Variants in KCNQ5 observed in about 807,000 individuals in gnomAD.
KCNQ5 encodes potassium voltage-gated channel subfamily Q member 5, also known as potassium voltage-gated channel subfamily KQT member 5.
In KCNQ5, 30 loss-of-function variants were observed where a neutral mutation model predicts 98.2. The ratio of observed to expected loss-of-function variants is 0.31; its 90% CI spans 0.23 to 0.41. KCNQ5 has a LOEUF of 0.41. Among genes scored for constraint, KCNQ5 ranks in the 10% least tolerant of loss-of-function variants. The probability of loss-of-function intolerance (pLI) is 1.00; values close to 1 mark genes in which losing one functional copy is unlikely to be tolerated. For synonymous variants in KCNQ5, 458 were observed against 449.4 expected (o/e 1.02, Z -0.24); for missense variants, 835 against 1,182.5 (o/e 0.71, Z 4.31).
intron 9 of KCNQ5, chr6:73,129,807 A>G: frequency 6.2e-7 from 1 of 1,612,994 alleles, no homozygotes; most frequent in Non-Finnish European, 8.5e-7. Context: ...TTCTGTAGTA[A>G]TAAGCAGAAG....
intron 7 of KCNQ5, among the ~76,000 whole-genome samples, chr6:73,114,922 C>T (rs759832599): frequency 1.5e-4 from 23 of 152,046 alleles, no homozygotes; most frequent in Non-Finnish European, 3.2e-4. Flanking sequence ...GACTTAGTCT[C>T]CACCCAATTA....
intron 1 of KCNQ5, among the ~76,000 whole-genome samples, chr6:72,922,781 G>A (rs955862885): frequency 3.5e-5 from 5 of 144,118 alleles, no homozygotes; most frequent in African/African-American, 1.3e-4. Context: ...GGGTATATAG[G>A]ACACCTTTCT....
chr6:73,059,368 T>C (rs1562153401), intron 3 of KCNQ5, among the ~76,000 whole-genome samples: 1 of 152,148 alleles, frequency 6.6e-6, no homozygotes, highest in Non-Finnish European at 1.5e-5. Context: ...CATTGAGTTA[T>C]ATGGTCACAA....
At chr6:72,765,673 C>G (rs1416178716) in intron 1 of KCNQ5, among the ~76,000 whole-genome samples, 1 of 152,024 alleles carries the variant, frequency 6.6e-6, no homozygotes, top group Non-Finnish European at 1.5e-5. Flanking sequence ...CAGGAGGCAG[C>G]TGATATCAAC....
intron 1 of KCNQ5, among the ~76,000 whole-genome samples, chr6:72,787,733 C>T (rs548929059): frequency 1.3e-5 from 2 of 152,224 alleles, no homozygotes; most frequent in African/African-American, 4.8e-5. Context: ...TGAGTCAGCA[C>T]TCATCCCTGT....
At chr6:73,038,001 T>C (rs1357966057) in intron 2 of KCNQ5, among the ~76,000 whole-genome samples, 1 of 152,138 alleles carries the variant, frequency 6.6e-6, no homozygotes, top group East Asian at 1.9e-4. Flanking sequence ...GTCTTCCAAT[T>C]CATAAACACG....
intron 1 of KCNQ5, among the ~76,000 whole-genome samples, chr6:72,881,784 T>G (rs1280520747): frequency 1.3e-5 from 2 of 152,176 alleles, no homozygotes; most frequent in Non-Finnish European, 2.9e-5. Flanking sequence ...CTCCACCTCC[T>G]GGGTTCAAGT....
At chr6:72,826,956 C>T (rs1318619345) in intron 1 of KCNQ5, among the ~76,000 whole-genome samples, 1 of 152,100 alleles carries the variant, frequency 6.6e-6, no homozygotes, top group East Asian at 1.9e-4. Context: ...AGCTTCTGCA[C>T]ATGGGTGAGA....
chr6:73,038,759 T>C (rs77964061), intron 2 of KCNQ5, among the ~76,000 whole-genome samples: 22 of 152,190 alleles, frequency 1.4e-4, no homozygotes, highest in Non-Finnish European at 1.5e-4. Context: ...TTGCTGAGGA[T>C]TTTTTGTGTC....
Position 73,194,710 on chromosome 6 carries a change from G to C in KCNQ5, c.2095G>C (p.Ala699Pro). The change falls in exon 14 of 14, where the codon GCC becomes CCC. Residue 699 changes from alanine to proline, a missense_variant. By Grantham distance (27) the Ala-to-Pro change is conservative. Around this residue, in one of 10 missense-constraint regions of KCNQ5, gnomAD observed 416 missense variants for 446.9 expected, o/e 0.93. Coordinates refer to ENST00000370398, the MANE Select transcript of KCNQ5 (RefSeq NM_019842.4). Reference protein sequence around the residue: ...QFILTPNEFSAQTFYALSPTM... With the variant: ...QFILTPNEFSPQTFYALSPTM... ...CATTCTGACGCCAAATGAGTTCAGT[G>C]CCCAGACTTTCTACGCGCTTAGCCC... The C allele has an allele frequency of 6.2e-7, 1 of 1,614,244 alleles. No individual in the cohort carries two copies. The highest frequency in any genetic ancestry group is 8.5e-7 in the Non-Finnish European group (1 of 1,180,048).
intron 1 of KCNQ5, among the ~76,000 whole-genome samples, chr6:72,721,156 G>T (rs1769935399): frequency 6.6e-6 from 1 of 152,028 alleles, no homozygotes; most frequent in South Asian, 2.1e-4. Context: ...CAACATGTAG[G>T]GTTACTGTGA....
intron 10 of KCNQ5, chr6:73,158,001 T>C: frequency 1.4e-6 from 1 of 738,466 alleles, no homozygotes. Context: ...GAAGATCAAG[T>C]AGGGTTCTCT....
Position 73,099,090 on chromosome 6 carries a change from A to G in KCNQ5, c.919-6167A>G, listed in dbSNP as rs1224868176. 2.0e-5 allele frequency among the ~76,000 whole-genome samples: 3 copies of G among 151,296 alleles called. No individual in the cohort carries two copies. The Admixed American group carries it at 2.0e-4, about 10-fold the overall frequency. ...GTTAAATTGTGATCAGTTTAAAATAATGGGTTATAAGATATTATTTGCAAG... is the reference window on the plus strand; with the variant it reads ...GTTAAATTGTGATCAGTTTAAAATAGTGGGTTATAAGATATTATTTGCAAG... On this transcript the variant is annotated intron_variant, in intron 5 of 13. Coordinates refer to ENST00000370398, the MANE Select transcript of KCNQ5 (RefSeq NM_019842.4).
intron 2 of KCNQ5, among the ~76,000 whole-genome samples, chr6:73,009,899 C>T (rs761624680): frequency 2.0e-5 from 3 of 152,058 alleles, no homozygotes; most frequent in Non-Finnish European, 4.4e-5. Context: ...TCAACAACAA[C>T]AAAGAAGCCC....
chr6:73,182,731 G>A (rs182171321), intron 11 of KCNQ5, among the ~76,000 whole-genome samples: 1 of 152,192 alleles, frequency 6.6e-6, no homozygotes, highest in African/African-American at 2.4e-5. Flanking sequence ...ACAAGATAAT[G>A]GCCTACTCTC....
intron 1 of KCNQ5, among the ~76,000 whole-genome samples, chr6:72,824,911 G>A (rs1053418431): frequency 6.6e-6 from 1 of 152,042 alleles, no homozygotes; most frequent in Middle Eastern, 3.2e-3. Context: ...TTTTCAGTGT[G>A]TAGCTTTCAT....
At chr6:72,678,326 A>G (rs1332415067) in intron 1 of KCNQ5, 1 of 152,182 alleles carries the variant, frequency 6.6e-6, no homozygotes, top group Non-Finnish European at 1.5e-5. Context: ...GAATTCTCAC[A>G]ACCCTACACC....
chr6:72,941,567 CTT>C (rs386702637), intron 1 of KCNQ5, among the ~76,000 whole-genome samples: 14 of 113,802 alleles, frequency 1.2e-4, no homozygotes, highest in East Asian at 5.3e-4. Context: ...TCCCTCCTTC[CTT>C]CCTCCTTCCC....
intron 1 of KCNQ5, among the ~76,000 whole-genome samples, chr6:72,690,486 G>A (rs1376413755): frequency 2.6e-5 from 4 of 152,128 alleles, no homozygotes; most frequent in Admixed American, 6.5e-5. Flanking sequence ...ATTTAGGGTT[G>A]TGGACAGAAG....
Sources: gnomAD v4.1 joint callset for allele counts (sites outside exome capture counted in the v4.1 genomes callset) on GRCh38, gnomAD v4.1.1 for gene constraint, gnomAD v4.1.1 regional missense constraint, MANE v1.5 for transcripts, NCBI Gene and HGNC (gene_info 2026-07-23, HGNC 2026-07-21) for gene names.